The following RBFOX1 variants were observed in gnomAD, a reference collection of about 807,000 sequenced individuals.
The protein encoded by RBFOX1 is RNA binding fox-1 homolog 1.
In RBFOX1, 8 loss-of-function variants were observed where a neutral mutation model predicts 57.7. The observed-to-expected ratio is 0.14, with a 90% CI of 0.08 to 0.25. RBFOX1 has a LOEUF of 0.25. RBFOX1 is among the 10% of genes least tolerant of loss of function. RBFOX1 has a pLI of 1.00. For synonymous variants in RBFOX1, 326 were observed against 222.4 expected, an observed-to-expected ratio of 1.47 and a Z score of -4.15; for missense variants, 611 against 548.5, an observed-to-expected ratio of 1.11 and a Z score of -1.14.
intron 4 of RBFOX1, among the ~76,000 whole-genome samples, chr16:7,167,641 G>A (rs982824152): frequency 1.3e-5 from 2 of 152,190 alleles, no homozygotes; most frequent in Non-Finnish European, 2.9e-5. Context: ...TTGATAAGTT[G>A]TTACTGCAGC....
chr16:7,629,713 G>T (rs1161417292), intron 10 of RBFOX1, among the ~76,000 whole-genome samples: 1 of 152,218 alleles, frequency 6.6e-6, no homozygotes, highest in Non-Finnish European at 1.5e-5. Flanking sequence ...GATTGAGGAG[G>T]TATCTCAGGA....
chr16:6,776,321 G>C (rs2079338153), intron 3 of RBFOX1, among the ~76,000 whole-genome samples: 1 of 152,146 alleles, frequency 6.6e-6, no homozygotes, highest in Admixed American at 6.5e-5. Flanking sequence ...TGAGGCAGGA[G>C]AATGGTGTGA....
intron 3 of RBFOX1, among the ~76,000 whole-genome samples, chr16:7,016,400 G>T (rs1164320630): frequency 1.3e-5 from 2 of 152,082 alleles, no homozygotes; most frequent in Non-Finnish European, 2.9e-5. Flanking sequence ...TGAAAACAAG[G>T]CACTGAACTT....
chr16:7,551,219 C>G (rs937808732), intron 5 of RBFOX1, among the ~76,000 whole-genome samples: 25 of 152,054 alleles, frequency 1.6e-4, no homozygotes, highest in Admixed American at 5.9e-4. Context: ...GAAATTGCCA[C>G]TAAAGAATTT....
chr16:7,119,922 G>A (rs2066741731), intron 4 of RBFOX1, among the ~76,000 whole-genome samples: 1 of 152,020 alleles, frequency 6.6e-6, no homozygotes, highest in African/African-American at 2.4e-5. Flanking sequence ...GTCCACATGA[G>A]ATATTTACCA....
intron 2 of RBFOX1, among the ~76,000 whole-genome samples, chr16:6,480,005 G>A (rs1028651042): frequency 5.4e-5 from 8 of 149,068 alleles, no homozygotes; most frequent in Admixed American, 1.3e-4. Flanking sequence ...AGCTGAGATC[G>A]TGCCACTGCC....
chr16:5,245,615 A>G (rs536721556), intron 1 of RBFOX1, among the ~76,000 whole-genome samples: 7 of 152,194 alleles, frequency 4.6e-5, no homozygotes, highest in Admixed American at 4.6e-4. Flanking sequence ...TGACTTTTGT[A>G]TTTTTAGTAG....
At chr16:7,696,997 G>C (rs2079004122) in intron 14 of RBFOX1, among the ~76,000 whole-genome samples, 1 of 152,144 alleles carries the variant, frequency 6.6e-6, no homozygotes, top group African/African-American at 2.4e-5. Flanking sequence ...AGGTAGACAG[G>C]GGTCAGAGGA....
chr16:7,425,445 A>C (rs1443573053), intron 4 of RBFOX1, among the ~76,000 whole-genome samples: 1 of 152,198 alleles, frequency 6.6e-6, no homozygotes, highest in African/African-American at 2.4e-5. Context: ...CTACTTGAGA[A>C]ATTTCAAAGG....
chr16:7,171,030 C>T (rs1009158113), intron 4 of RBFOX1, among the ~76,000 whole-genome samples: 6 of 152,204 alleles, frequency 3.9e-5, no homozygotes, highest in Non-Finnish European at 7.3e-5. Flanking sequence ...CTCTCACCTG[C>T]GATGTCTCCT....
intron 3 of RBFOX1, among the ~76,000 whole-genome samples, chr16:6,904,947 A>C (rs1459700407): frequency 6.6e-6 from 1 of 152,190 alleles, no homozygotes; most frequent in Admixed American, 6.5e-5. Context: ...CTGGGTAAAC[A>C]AAAGCAGTGG....
intron 2 of RBFOX1, among the ~76,000 whole-genome samples, chr16:6,469,780 T>A (rs2095133016): frequency 6.6e-6 from 1 of 152,172 alleles, no homozygotes; most frequent in Non-Finnish European, 1.5e-5. Context: ...TATTTAAGCA[T>A]CTCTGTATCC....
intron 3 of RBFOX1, among the ~76,000 whole-genome samples, chr16:6,934,568 A>T (rs972113665): frequency 6.6e-6 from 1 of 152,208 alleles, no homozygotes; most frequent in Non-Finnish European, 1.5e-5. Context: ...TTTTTTAAAA[A>T]GATAACAAAG....
chr16:7,510,301 A>G lies in RBFOX1; in HGVS notation c.28-7846A>G, dbSNP rs1481714278. On this transcript the variant is annotated intron_variant, in intron 4 of 15. Coordinates refer to ENST00000550418, the MANE Select transcript of RBFOX1 (RefSeq NM_018723.4). ...GTTTATGGAGGAGAAAGGAAGCAGG[A>G]TGGTGCAGCAGGTATTTTTGTTTTT... 6 of 985,758 alleles carry G rather than the reference A, an allele frequency of 6.1e-6. No homozygotes were observed. The African/African-American group carries it at 8.7e-5, about 14-fold the overall frequency. 61.1% of individuals were successfully genotyped at this position (985,758 alleles called of 1,614,324 possible). A position where few individuals can be genotyped will look rare whatever the true frequency, so the allele number is the denominator to read the frequency against.
At chr16:6,335,532 C>A (rs971379673) in intron 2 of RBFOX1, among the ~76,000 whole-genome samples, 1 of 151,882 alleles carries the variant, frequency 6.6e-6, no homozygotes, top group Non-Finnish European at 1.5e-5. Flanking sequence ...GTAATCCCAG[C>A]ACTTTGGGAG....
chr16:5,275,305 A>T (rs1204210468), intron 1 of RBFOX1, among the ~76,000 whole-genome samples: 2 of 152,180 alleles, frequency 1.3e-5, no homozygotes, highest in African/African-American at 4.8e-5. Context: ...TGTTGGGAAT[A>T]TTTCAAAGCT....
At chr16:5,700,047 T>C (rs1596821186) in intron 3 of RBFOX1, among the ~76,000 whole-genome samples, 1 of 152,156 alleles carries the variant, frequency 6.6e-6, no homozygotes, top group African/African-American at 2.4e-5. Flanking sequence ...TTAGCCAGGA[T>C]GGTTTCGATC....
At chr16:7,010,132 C>G (rs1255519942) in intron 3 of RBFOX1, among the ~76,000 whole-genome samples, 2 of 152,194 alleles carry the variant, frequency 1.3e-5, no homozygotes, top group Non-Finnish European at 1.5e-5. Context: ...TGCTGCAAAG[C>G]ACGTGATCAT....
At chr16:7,034,841 C>CTTTTTTTTTTTT (rs1255430430) in intron 3 of RBFOX1, among the ~76,000 whole-genome samples, 469 of 38,912 alleles carry the variant, frequency 0.012, 63 homozygotes, top group Non-Finnish European at 0.018. Context: ...TTTTTTTTTT[C>CTTTTTTTTTTTT]TTTTTTCTTT....
Sources: gnomAD v4.1 joint callset for allele counts (sites outside exome capture counted in the v4.1 genomes callset) on GRCh38, gnomAD v4.1.1 for gene constraint, MANE v1.5 for transcripts, NCBI Gene and HGNC (gene_info 2026-07-23, HGNC 2026-07-21) for gene names.